The following NRCAM variants were observed in gnomAD, a reference collection of about 807,000 sequenced individuals.
NRCAM encodes NgCAM-related cell adhesion molecule.
NRCAM carries 83 observed loss-of-function variants against 156.5 expected under a neutral mutation model. The ratio of observed to expected loss-of-function variants is 0.53; its 90% CI spans 0.44 to 0.64. NRCAM has a LOEUF of 0.64. NRCAM is among the 30% of genes least tolerant of loss of function. NRCAM has a pLI of 0.00. For synonymous variants in NRCAM, 538 were observed against 563.9 expected (o/e 0.95, Z 0.65); for missense variants, 1,417 against 1,597.3 (o/e 0.89, Z 1.92).
At chr7:108,389,188 T>C (rs918971110) in intron 2 of NRCAM, among the ~76,000 whole-genome samples, 1 of 152,254 alleles carries the variant, frequency 6.6e-6, no homozygotes, top group Non-Finnish European at 1.5e-5. Flanking sequence ...TTCCTATCCA[T>C]GAGCATGAAA....
chr7:108,194,178 T>G lies in NRCAM; in HGVS notation c.1631-7A>C, dbSNP rs752328919. 6.2e-7 allele frequency: 1 copy of G among 1,613,892 alleles called. No homozygotes were observed. The highest frequency in any genetic ancestry group is 1.7e-5 in the Admixed American group (1 of 60,016). ...TTAACGATCCATGTAGGATCTGAAA[T>G]GTAGAGTCATCGTTATCCATTTGGC... On this transcript the variant is annotated splice_polypyrimidine_tract_variant and splice_region_variant and intron_variant, in intron 16 of 32. Transcript: ENST00000379028.
chr7:108,199,537 C>T (rs561684112), intron 13 of NRCAM, among the ~76,000 whole-genome samples: 2 of 152,300 alleles, frequency 1.3e-5, no homozygotes, highest in South Asian at 4.2e-4. Flanking sequence ...GAATCCATGT[C>T]CTTGCCTTTT....
rs1465026975 is a variant in NRCAM, at chr7:108,455,780, TCGCCCCGCCGGCACTGTGGCGTGA to T, written c.-332+439_-332+462del. ...GCTCCCGGCCCGGCCCCCGCGCTCC[TCGCCCCGCCGGCACTGTGGCGTGA>T]CGCCCCGCGCCTCCGTGTCCAAGCC... On this transcript the variant is annotated intron_variant, in intron 1 of 32. Coordinates refer to ENST00000379028, the MANE Select transcript of NRCAM (RefSeq NM_001037132.4). 5.3e-5 allele frequency among the ~76,000 whole-genome samples: 8 copies of T among 151,850 alleles called. 1 individual carries two copies. Among genetic ancestry groups the T allele is most frequent in the South Asian group, 2.1e-4 (1 of 4,802 alleles).
intron 3 of NRCAM, among the ~76,000 whole-genome samples, chr7:108,244,635 A>G (rs1287753365): frequency 6.6e-6 from 1 of 152,176 alleles, no homozygotes; most frequent in Admixed American, 6.5e-5. Context: ...CTCAGAAAAA[A>G]GTAGTCCGGG....
chr7:108,221,862 A>G (rs1459524420), intron 11 of NRCAM, among the ~76,000 whole-genome samples: 1 of 152,010 alleles, frequency 6.6e-6, no homozygotes, highest in Non-Finnish European at 1.5e-5. Flanking sequence ...CCAATAACCT[A>G]TGGAAAATAA....
chr7:108,221,753 T>C (rs2092364369), intron 11 of NRCAM, among the ~76,000 whole-genome samples: 1 of 152,100 alleles, frequency 6.6e-6, no homozygotes, highest in South Asian at 2.1e-4. Flanking sequence ...GTACAGCGTA[T>C]ATTGTTCGGG....
chr7:108,279,016 T>C (rs1169466887), intron 3 of NRCAM, among the ~76,000 whole-genome samples: 1 of 152,178 alleles, frequency 6.6e-6, no homozygotes, highest in Non-Finnish European at 1.5e-5. Context: ...AAGGCCCATA[T>C]AGAAAGTAAG....
At chr7:108,233,809 A>T (rs1377131838) in intron 6 of NRCAM, among the ~76,000 whole-genome samples, 1 of 152,220 alleles carries the variant, frequency 6.6e-6, no homozygotes, top group African/African-American at 2.4e-5. Flanking sequence ...ACATTTTAAT[A>T]ACAATAACCC....
At chr7:108,380,565 A>G (rs1363538976) in intron 2 of NRCAM, among the ~76,000 whole-genome samples, 1 of 152,112 alleles carries the variant, frequency 6.6e-6, no homozygotes, top group Non-Finnish European at 1.5e-5. Flanking sequence ...CTTTACAGTT[A>G]TTTTATAGTC....
At chr7:108,394,145 T>A (rs1039149514) in intron 2 of NRCAM, among the ~76,000 whole-genome samples, 1 of 152,136 alleles carries the variant, frequency 6.6e-6, no homozygotes, top group African/African-American at 2.4e-5. Flanking sequence ...GGGCAAACAG[T>A]ATAATCTTGG....
chr7:108,242,365 C>A (rs1360157411), intron 3 of NRCAM, among the ~76,000 whole-genome samples: 1 of 151,808 alleles, frequency 6.6e-6, no homozygotes, highest in South Asian at 2.1e-4. Flanking sequence ...ATTTGAGATC[C>A]AGGAAATGTC....
intron 1 of NRCAM, among the ~76,000 whole-genome samples, chr7:108,447,330 A>G (rs1167039717): frequency 2.1e-5 from 3 of 145,108 alleles, no homozygotes; most frequent in Admixed American, 1.4e-4. Flanking sequence ...CAGTGGCACA[A>G]TCTTGGCTCA....
At chr7:108,366,172 C>T (rs1395782629) in intron 2 of NRCAM, among the ~76,000 whole-genome samples, 1 of 152,142 alleles carries the variant, frequency 6.6e-6, no homozygotes, top group Non-Finnish European at 1.5e-5. Flanking sequence ...CTTCCCAGCC[C>T]CCGGAACTAT....
At chr7:108,247,596 A>G (rs1000716368) in intron 3 of NRCAM, among the ~76,000 whole-genome samples, 1 of 134,412 alleles carries the variant, frequency 7.4e-6, no homozygotes, top group Non-Finnish European at 1.6e-5. Flanking sequence ...TTTAGCATAA[A>G]TTTGTTTATG....
At chr7:108,360,729 C>T (rs1193230599) in intron 2 of NRCAM, among the ~76,000 whole-genome samples, 1 of 152,044 alleles carries the variant, frequency 6.6e-6, no homozygotes, top group Non-Finnish European at 1.5e-5. Context: ...GGTGTCAGGA[C>T]AATTCAATGA....
chr7:108,264,979 G>A (rs1437442640), intron 3 of NRCAM, among the ~76,000 whole-genome samples: 2 of 152,222 alleles, frequency 1.3e-5, no homozygotes, highest in Non-Finnish European at 2.9e-5. Flanking sequence ...TTGTGTAAGA[G>A]GAGCCGAGAC....
At chr7:108,293,533 G>A (rs772628302) in intron 3 of NRCAM, among the ~76,000 whole-genome samples, 5 of 152,132 alleles carry the variant, frequency 3.3e-5, no homozygotes, top group South Asian at 4.1e-4. Context: ...GTTTTCCTAC[G>A]TCATAAAGGA....
At position 108,150,011 on chromosome 7, in the gene NRCAM, A is replaced by G. The variant is rs1216919460; in HGVS notation, c.3814T>C (p.Phe1272Leu). ...TTCTTACCACTGTATTGTCCAATAA[A>G]GGAGCCATCCTCATTGAACTGGCCA... is the stretch of plus-strand genomic sequence containing the variant. ...VNGQFNEDGS[F>L]IGQYSGKKEK... is the part of the protein sequence containing the mutation. The change falls in exon 33 of 33, where the codon TTT (phenylalanine) becomes CTT (leucine). Residue 1272 changes from phenylalanine (F) to leucine (L), a missense_variant. Physicochemically the swap from Phe to Leu is conservative, Grantham distance 22 (BLOSUM62 0). Transcript: ENST00000379028. The G allele has an allele frequency of 6.2e-7, 1 of 1,613,984 alleles. No homozygotes were observed. Among genetic ancestry groups the G allele is most frequent in the Non-Finnish European group, 8.5e-7 (1 of 1,179,956 alleles).
At chr7:108,176,295 T>G in intron 27 of NRCAM, 135 bp downstream of exon 27, 4 of 732,344 alleles carry the variant, frequency 5.5e-6, no homozygotes, top group Non-Finnish European at 9.0e-6. Context: ...TATATCAGAA[T>G]GAGAAATTAC....
Sources: gnomAD v4.1 joint callset for allele counts (sites outside exome capture counted in the v4.1 genomes callset) on GRCh38, gnomAD v4.1.1 for gene constraint, MANE v1.5 for transcripts, NCBI Gene and HGNC (gene_info 2026-07-23, HGNC 2026-07-21) for gene names.